The following BZW2 variants were observed in gnomAD, a reference collection of about 807,000 sequenced individuals.
BZW2 encodes eIF5-mimic protein 1.
A neutral mutation model predicts 53.2 loss-of-function variants in BZW2; 23 were observed. The ratio of observed to expected loss-of-function variants is 0.43; its 90% confidence interval spans 0.31 to 0.61. BZW2 has a LOEUF of 0.61. Ranked by LOEUF, BZW2 falls within the 20% of genes least tolerant of loss-of-function variation. BZW2 has a pLI of 0.09. For synonymous variants in BZW2, 227 were observed against 186.4 expected (o/e 1.22, Z -1.77); for missense variants, 409 against 503.1 (o/e 0.81, Z 1.79).
intron 8 of BZW2, among the ~76,000 whole-genome samples, chr7:16,695,701 A>G (rs1312388966): frequency 6.6e-6 from 1 of 152,192 alleles, no homozygotes; most frequent in Admixed American, 6.5e-5. Flanking sequence ...AAATTAATAT[A>G]AAGCGTCCTT....
At chr7:16,663,821 G>A (rs955750101) in intron 1 of BZW2, among the ~76,000 whole-genome samples, 1 of 152,122 alleles carries the variant, frequency 6.6e-6, no homozygotes, top group African/African-American at 2.4e-5. Context: ...TAATATTTAA[G>A]TCAGCAAGCA....
intron 8 of BZW2, chr7:16,695,921 A>G (rs1783467957): frequency 6.6e-6 from 1 of 152,210 alleles, no homozygotes; most frequent in African/African-American, 2.4e-5. Flanking sequence ...GAATTTGTAC[A>G]TTATTTTCCA....
At chr7:16,656,575 A>T (rs1396150740) in intron 1 of BZW2, among the ~76,000 whole-genome samples, 3 of 152,104 alleles carry the variant, frequency 2.0e-5, no homozygotes, top group Non-Finnish European at 4.4e-5. Context: ...ACACACACAC[A>T]CACACACACA....
At chr7:16,684,898 T>G (rs1783067174) in intron 5 of BZW2, among the ~76,000 whole-genome samples, 1 of 152,188 alleles carries the variant, frequency 6.6e-6, no homozygotes, top group South Asian at 2.1e-4. Context: ...AATAGTAAGT[T>G]AATATTTTCT....
intron 1 of BZW2, among the ~76,000 whole-genome samples, chr7:16,647,127 A>G (rs1389448256): frequency 2.0e-5 from 3 of 152,178 alleles, no homozygotes; most frequent in Non-Finnish European, 2.9e-5. Flanking sequence ...TTTCAGAATA[A>G]GATTTGCTTG....
intron 10 of BZW2, among the ~76,000 whole-genome samples, chr7:16,700,476 G>A (rs818323): frequency 0.67 from 101,868 of 152,096 alleles, 35,409 homozygotes; most frequent in African/African-American, 0.87. Context: ...GGGAGACTTA[G>A]TAAACAGTGA....
intron 7 of BZW2, among the ~76,000 whole-genome samples, chr7:16,691,445 C>G (rs927745659): frequency 6.6e-6 from 1 of 152,354 alleles, no homozygotes; most frequent in South Asian, 2.1e-4. Flanking sequence ...TCTATCTTGG[C>G]TAAGCCTGGC....
At chr7:16,683,085 A>T (rs1467928934) in intron 5 of BZW2, among the ~76,000 whole-genome samples, 1 of 152,096 alleles carries the variant, frequency 6.6e-6, no homozygotes, top group Non-Finnish European at 1.5e-5. Context: ...AATCCCAGCT[A>T]ACTGGGAGGC....
At chr7:16,675,237 C>T (rs1782730648) in intron 3 of BZW2, among the ~76,000 whole-genome samples, 1 of 152,110 alleles carries the variant, frequency 6.6e-6, no homozygotes, top group African/African-American at 2.4e-5. Context: ...GATCTGAGTT[C>T]TTATCGTTAG....
chr7:16,648,114 A>G (rs997180468), intron 1 of BZW2, among the ~76,000 whole-genome samples: 7 of 152,244 alleles, frequency 4.6e-5, no homozygotes, highest in African/African-American at 1.7e-4. Context: ...ACAGATTCAT[A>G]ATGGGTACTG....
At chr7:16,677,258 G>A (rs2128359839) in intron 3 of BZW2, among the ~76,000 whole-genome samples, 2 of 152,216 alleles carry the variant, frequency 1.3e-5, no homozygotes, top group East Asian at 3.9e-4. Context: ...GCATTTTAGT[G>A]AGCTCTCTTT....
At position 16,689,455 on chromosome 7, in the gene BZW2, T is replaced by C. The variant is rs1783234017; in HGVS notation, c.542-342T>C. On this transcript the variant is annotated intron_variant, in intron 6 of 11. Coordinates refer to ENST00000258761, the MANE Select transcript of BZW2 (RefSeq NM_014038.3). ...CAAGATCACTGTTATAAAGATGAAATACATATGAACCAGAGGGTGAAATAA... is the reference window on the plus strand; with the variant it reads ...CAAGATCACTGTTATAAAGATGAAACACATATGAACCAGAGGGTGAAATAA... Among the ~76,000 whole-genome samples the C allele has an allele frequency of 1.3e-5, 2 of 152,088 alleles. 1 individual carries two copies. The highest frequency in any genetic ancestry group is 4.1e-4 in the South Asian group (2 of 4,820).
At position 16,694,905 on chromosome 7, in the gene BZW2, G is replaced by A. The variant is rs1783431173; in HGVS notation, c.723G>A (p.Glu241=). 6.3e-7 allele frequency: 1 copy of A among 1,596,192 alleles called. No homozygotes were observed. Among genetic ancestry groups the A allele is most frequent in the East Asian group, 2.2e-5 (1 of 44,624 alleles). The change falls in exon 8 of 12, where the codon GAG becomes GAA. Residue 241 remains glutamate (E), a synonymous_variant. Coordinates refer to ENST00000258761, the MANE Select transcript of BZW2 (RefSeq NM_014038.3). ...ACTTCACTGACGCAGGTCTTAAGGAGCTTTCCGACTTCCTCCGAGTCCAGC... is the reference window on the plus strand; with the variant it reads ...ACTTCACTGACGCAGGTCTTAAGGAACTTTCCGACTTCCTCCGAGTCCAGC... ...AKYFTDAGLK[E]LSDFLRVQQS...
chr7:16,654,490 T>C (rs1412136977), intron 1 of BZW2, among the ~76,000 whole-genome samples: 1 of 146,810 alleles, frequency 6.8e-6, no homozygotes, highest in Non-Finnish European at 1.5e-5. Context: ...AATTTAATTT[T>C]AATTTTTTTC....
chr7:16,685,250 T>A (rs561583763), intron 5 of BZW2, among the ~76,000 whole-genome samples: 57 of 152,248 alleles, frequency 3.7e-4, no homozygotes, highest in Non-Finnish European at 7.2e-4. Context: ...CTTTTTTAGT[T>A]CCCTGCCTCT....
intron 7 of BZW2, among the ~76,000 whole-genome samples, chr7:16,692,084 A>G (rs1008137369): frequency 6.6e-6 from 1 of 152,210 alleles, no homozygotes; most frequent in Non-Finnish European, 1.5e-5. Flanking sequence ...ATTTTGTTTT[A>G]TGAACATATA....
intron 10 of BZW2, among the ~76,000 whole-genome samples, chr7:16,700,127 T>A (rs1783622104): frequency 6.6e-6 from 1 of 152,198 alleles, no homozygotes; most frequent in Non-Finnish European, 1.5e-5. Context: ...GAAACTTTTT[T>A]AAAAATGTAA....
In BZW2 at chr7:16,695,134, A is replaced by G. The variant is rs1583749029; in HGVS notation, c.822+130A>G. 3.6e-6 allele frequency: 3 copies of G among 837,428 alleles called. No individual in the cohort carries two copies. In the East Asian group the frequency reaches 8.7e-5, roughly 24 times the overall value. 51.9% of individuals were successfully genotyped at this position (837,428 alleles called of 1,614,324 possible). A position where few individuals can be genotyped will look rare whatever the true frequency, so the allele number is the denominator to read the frequency against. On this transcript the variant is annotated intron_variant, in intron 8 of 11. Coordinates refer to ENST00000258761, the MANE Select transcript of BZW2 (RefSeq NM_014038.3). ...CTGTAAACTTTGTCCACTTATTCCT[A>G]CCATTTAAATTAACTCAGCTTCAAA...
At position 16,658,084 on chromosome 7, in the gene BZW2, A is replaced by G. The variant is rs539482871; in HGVS notation, c.-7-7353A>G. 2.7e-3 allele frequency among the ~76,000 whole-genome samples: 406 copies of G among 152,332 alleles called. 4 individuals are homozygous for G. Among genetic ancestry groups the G allele is most frequent in the Middle Eastern group, 0.01 (3 of 294 alleles). On this transcript the variant is annotated intron_variant, in intron 1 of 11. Coordinates refer to ENST00000258761, the MANE Select transcript of BZW2 (RefSeq NM_014038.3). Reference sequence around the variant, plus strand: ...AAAATTAGACCATCTGGAAGATTGAATGAGCTGGCTAGCCCTTGGGGGAAG... The same window carrying G: ...AAAATTAGACCATCTGGAAGATTGAGTGAGCTGGCTAGCCCTTGGGGGAAG...
Sources: gnomAD v4.1 joint callset for allele counts (sites outside exome capture counted in the v4.1 genomes callset) on GRCh38, gnomAD v4.1.1 for gene constraint, MANE v1.5 for transcripts, NCBI Gene and HGNC (gene_info 2026-07-23, HGNC 2026-07-21) for gene names.